The following POFUT3 variants were observed in gnomAD, a reference collection of about 807,000 sequenced individuals.
POFUT3 encodes protein O-fucosyltransferase 3.
chr8:33,314,572 T>A, the POFUT3 span, among the ~76,000 whole-genome samples: 1 of 152,228 alleles, frequency 6.6e-6, no homozygotes, highest in African/African-American at 2.4e-5. Flanking sequence ...TGAGCTCACA[T>A]GTGTAAAGCA....
chr8:33,361,329 A>G, the POFUT3 span: 1 of 152,214 alleles, frequency 6.6e-6, no homozygotes, highest in Non-Finnish European at 1.5e-5. Flanking sequence ...AAACACTGGT[A>G]TAAAAATTAA....
At chr8:33,423,994 CT>C in the POFUT3 span, among the ~76,000 whole-genome samples, 1 of 151,866 alleles carries the variant, frequency 6.6e-6, no homozygotes, top group Non-Finnish European at 1.5e-5. Flanking sequence ...CAAAAATTAG[CT>C]GGGCATGGTG....
chr8:33,408,286 C>G, the POFUT3 span, among the ~76,000 whole-genome samples: 1 of 150,764 alleles, frequency 6.6e-6, no homozygotes, highest in Non-Finnish European at 1.5e-5. Flanking sequence ...ATCACACCAA[C>G]GCACTCCAGA....
the POFUT3 span, among the ~76,000 whole-genome samples, chr8:33,439,152 T>C: frequency 6.6e-6 from 1 of 152,196 alleles, no homozygotes; most frequent in East Asian, 1.9e-4. Flanking sequence ...ACGCCTGTAA[T>C]CCCAGCACTT....
the POFUT3 span, among the ~76,000 whole-genome samples, chr8:33,443,998 G>A: frequency 7.0e-6 from 1 of 143,756 alleles, no homozygotes; most frequent in East Asian, 2.0e-4. Flanking sequence ...GAAAAGCAAT[G>A]TCTACTGAGG....
the POFUT3 span, among the ~76,000 whole-genome samples, chr8:33,448,647 G>A: frequency 6.6e-6 from 1 of 151,994 alleles, no homozygotes; most frequent in Non-Finnish European, 1.5e-5. Context: ...AAGACTCTAA[G>A]TCTCGGCAGG....
the POFUT3 span, among the ~76,000 whole-genome samples, chr8:33,388,461 C>T: frequency 1.3e-5 from 2 of 150,636 alleles, no homozygotes; most frequent in Non-Finnish European, 2.9e-5. Flanking sequence ...TTCAGCCTCT[C>T]GAGTAGCTGG....
At chr8:33,418,052 C>T in the POFUT3 span, among the ~76,000 whole-genome samples, 1 of 152,196 alleles carries the variant, frequency 6.6e-6, no homozygotes, top group African/African-American at 2.4e-5. Flanking sequence ...CGGGGTCCAA[C>T]CCACGCCCAA....
At chr8:33,374,796 C>T in the POFUT3 span, among the ~76,000 whole-genome samples, 1 of 151,890 alleles carries the variant, frequency 6.6e-6, no homozygotes, top group South Asian at 2.1e-4. Context: ...AATGAATGTC[C>T]ATTTTAGTGG....
the POFUT3 span, chr8:33,394,336 C>G: frequency 2.6e-4 from 42 of 158,812 alleles, no homozygotes; most frequent in Non-Finnish European, 5.4e-4. Context: ...CAAACCTTCC[C>G]ATCCATCCAC....
the POFUT3 span, chr8:33,389,850 G>T: frequency 1.5e-6 from 2 of 1,308,508 alleles, no homozygotes; most frequent in Non-Finnish European, 2.2e-6. Flanking sequence ...ATGTTGCTAA[G>T]TTTGGGTCTA....
chr8:33,331,205 G>GCA, the POFUT3 span, among the ~76,000 whole-genome samples: 42,683 of 151,290 alleles, frequency 0.28, 6,577 homozygotes, highest in South Asian at 0.5. Flanking sequence ...AACCGGGCGC[G>GCA]CGCCTGTAAT....
the POFUT3 span, among the ~76,000 whole-genome samples, chr8:33,357,137 A>G: frequency 6.6e-6 from 1 of 152,040 alleles, no homozygotes; most frequent in African/African-American, 2.4e-5. Flanking sequence ...TTGGCTTAGG[A>G]TTGACTTGGT....
chr8:33,373,792 G>C, the POFUT3 span, among the ~76,000 whole-genome samples: 1 of 152,186 alleles, frequency 6.6e-6, no homozygotes, highest in Non-Finnish European at 1.5e-5. Flanking sequence ...TAAAAGGACT[G>C]TTCTTGAAAG....
the POFUT3 span, among the ~76,000 whole-genome samples, chr8:33,380,137 C>G: frequency 3.5e-5 from 2 of 56,468 alleles, no homozygotes; most frequent in African/African-American, 9.8e-5. Context: ...TATATATATA[C>G]TATATATATA....
At chr8:33,356,382 T>C in the POFUT3 span, among the ~76,000 whole-genome samples, 1 of 152,254 alleles carries the variant, frequency 6.6e-6, no homozygotes, top group Non-Finnish European at 1.5e-5. Flanking sequence ...TGTGAGATGG[T>C]ATCTCATTGT....
chr8:33,309,156 A>T, the POFUT3 span, among the ~76,000 whole-genome samples: 30 of 44,946 alleles, frequency 6.7e-4, no homozygotes, highest in African/African-American at 3.8e-3. Context: ...AAAAAAAAAA[A>T]AAAAAAAAAA....
At chr8:33,428,140 G>A in the POFUT3 span, among the ~76,000 whole-genome samples, 1 of 151,812 alleles carries the variant, frequency 6.6e-6, no homozygotes, top group Non-Finnish European at 1.5e-5. Flanking sequence ...AAAAAAAAAT[G>A]ACCTCTAACT....
the POFUT3 span, among the ~76,000 whole-genome samples, chr8:33,345,075 G>T: frequency 6.6e-6 from 1 of 152,194 alleles, no homozygotes; most frequent in Admixed American, 6.5e-5. Context: ...TGAGCATTCT[G>T]TTGCTCCAGT....
Sources: allele counts gnomAD v4.1 joint callset (sites outside exome capture counted in the v4.1 genomes callset), GRCh38; gene constraint gnomAD v4.1.1; transcripts MANE v1.5; gene names NCBI Gene and HGNC (gene_info 2026-07-23, HGNC 2026-07-21).